The following SCN9A variants were observed in gnomAD, a reference collection of about 807,000 sequenced individuals.
The protein encoded by SCN9A is sodium channel protein type 9 subunit alpha.
In SCN9A, 131 loss-of-function variants were observed where a neutral mutation model predicts 187.0. The observed-to-expected ratio is 0.70, with a 90% CI of 0.61 to 0.81. SCN9A has a LOEUF of 0.81. Ranked by LOEUF, SCN9A falls within the 30% of genes least tolerant of loss-of-function variation. The probability of loss-of-function intolerance (pLI) is 0.00; values close to 1 mark genes in which losing one functional copy is unlikely to be tolerated. For missense variants in SCN9A, 2,252 were observed against 2,396.6 expected (o/e 0.94, Z 1.26); for synonymous variants, 809 against 808.6 (o/e 1.00, Z -0.01).
chr2:166,280,017 C>T (rs903318268), intron 14 of SCN9A, among the ~76,000 whole-genome samples: 1 of 152,142 alleles, frequency 6.6e-6, no homozygotes, highest in African/African-American at 2.4e-5. Context: ...GAGGTGTGTA[C>T]TTACAAGAAA....
chr2:166,353,835 GATT>G, intron 1 of SCN9A, among the ~76,000 whole-genome samples: 1 of 152,000 alleles, frequency 6.6e-6, no homozygotes, highest in Non-Finnish European at 1.5e-5. Context: ...CCTTCAACTA[GATT>G]CCAAACTTCA....
intron 17 of SCN9A, among the ~76,000 whole-genome samples, chr2:166,253,509 A>G (rs1265218565): frequency 1.3e-5 from 2 of 151,862 alleles, no homozygotes; most frequent in Non-Finnish European, 2.9e-5. Context: ...TTTAAAGTAT[A>G]AACTATAGAA....
chr2:166,284,950 C>T, intron 11 of SCN9A, 126 bp from the exon 12 acceptor site: 2 of 1,003,938 alleles, frequency 2.0e-6, no homozygotes, highest in Non-Finnish European at 2.8e-6. Context: ...AAGAAACATA[C>T]TTAAAAACGA....
At chr2:166,349,319 G>A (rs181814822) in intron 1 of SCN9A, among the ~76,000 whole-genome samples, 45 of 152,074 alleles carry the variant, frequency 3.0e-4, no homozygotes, top group South Asian at 1.0e-3. Context: ...ACTTTAAAAA[G>A]AAGGAAACAG....
chr2:166,352,760 T>C (rs1301546623), intron 1 of SCN9A, among the ~76,000 whole-genome samples: 1 of 152,106 alleles, frequency 6.6e-6, no homozygotes, highest in South Asian at 2.1e-4. Context: ...AACTGAAAAG[T>C]AAGACAAGGA....
intron 1 of SCN9A, among the ~76,000 whole-genome samples, chr2:166,345,571 G>C (rs1379624127): frequency 2.0e-5 from 3 of 151,848 alleles, no homozygotes; most frequent in Non-Finnish European, 4.4e-5. Context: ...ATAAAACTAA[G>C]TTCCAGAAAA....
At chr2:166,244,702 G>T (rs892258110) in intron 18 of SCN9A, among the ~76,000 whole-genome samples, 1 of 151,886 alleles carries the variant, frequency 6.6e-6, no homozygotes, top group Non-Finnish European at 1.5e-5. Context: ...CTGGATGCTG[G>T]TCTATTCTAT....
intron 21 of SCN9A, among the ~76,000 whole-genome samples, chr2:166,229,689 G>A (rs1694998450): frequency 1.3e-5 from 2 of 152,052 alleles, no homozygotes; most frequent in Non-Finnish European, 2.9e-5. Flanking sequence ...AATATATATA[G>A]TGCTGGCCTC....
chr2:166,305,224 G>A lies in SCN9A; in HGVS notation c.596+568C>T, dbSNP rs190455017. Reference sequence around the variant, plus strand: ...TCCATTTTTCTGATAAATACATTTGGGAAAAGAGTAACAATTATGAATAAA... The same window carrying A: ...TCCATTTTTCTGATAAATACATTTGAGAAAAGAGTAACAATTATGAATAAA... On this transcript the variant is annotated intron_variant, in intron 5 of 26. Coordinates refer to ENST00000642356, the MANE Select transcript of SCN9A (RefSeq NM_001365536.1). Among the ~76,000 whole-genome samples, 4 of 151,790 alleles carry A rather than the reference G, an allele frequency of 2.6e-5. No homozygotes were observed. The East Asian group carries it at 7.7e-4, about 29-fold the overall frequency.
chr2:166,214,639 C>T (rs553152166), intron 24 of SCN9A, among the ~76,000 whole-genome samples: 5 of 144,830 alleles, frequency 3.5e-5, no homozygotes, highest in East Asian at 4.2e-4. Flanking sequence ...CTCAGCCTCC[C>T]GAGTAGCTGG....
Position 166,324,958 on chromosome 2 carries a change from G to A in SCN9A, c.-50-13152C>T, listed in dbSNP as rs762148321. 8.5e-5 allele frequency among the ~76,000 whole-genome samples: 13 copies of A among 152,230 alleles called. No homozygotes were observed. The East Asian group carries it at 1.9e-3, about 23-fold the overall frequency. ...AACTAAGGAACTCTGAATAGGGTAA[G>A]GGCATTTGTTAATAATAATGATGTA... is the stretch of plus-strand genomic sequence containing the variant. On this transcript the variant is annotated intron_variant, in intron 1 of 26. Transcript: ENST00000642356.
At position 166,199,116 on chromosome 2, in the gene SCN9A, G is replaced by C. The variant is rs746119070; in HGVS notation, c.5523C>G (p.Ile1841Met). ...VSGDRIHCLD[I>M]LFAFTKRVLG... ...AAACACGCTTTGTAAAAGCAAATAA[G>C]ATGTCAAGACAATGGATCCGGTCAC... Residue 1841 changes from isoleucine to methionine, a missense_variant, in exon 27 of 27, where the codon ATC (isoleucine) becomes ATG (methionine). Coordinates refer to ENST00000642356, the MANE Select transcript of SCN9A (RefSeq NM_001365536.1). 1.9e-6 allele frequency: 3 copies of C among 1,614,124 alleles called. No homozygotes were observed. The highest frequency in any genetic ancestry group is 2.2e-5 in the South Asian group (2 of 91,072).
chr2:166,289,917 T>C (rs1397256349), intron 9 of SCN9A, among the ~76,000 whole-genome samples: 2 of 152,214 alleles, frequency 1.3e-5, no homozygotes, highest in African/African-American at 4.8e-5. Context: ...TTTTTTCATA[T>C]GTTTAAGTTA....
At chr2:166,203,914 C>A in intron 26 of SCN9A, 41 bp downstream of exon 26, 2 of 1,272,748 alleles carry the variant, frequency 1.6e-6, no homozygotes, top group South Asian at 2.8e-5. Context: ...TGAAGTTTAG[C>A]TTTACTCAAA....
chr2:166,262,807 G>A (rs1696567604), intron 17 of SCN9A, among the ~76,000 whole-genome samples: 1 of 151,852 alleles, frequency 6.6e-6, no homozygotes, highest in Non-Finnish European at 1.5e-5. Context: ...TGTGTAAAGG[G>A]GCTACTGTAT....
chr2:166,372,911 C>G (rs969308389), intron 1 of SCN9A, among the ~76,000 whole-genome samples: 2 of 152,038 alleles, frequency 1.3e-5, no homozygotes, highest in African/African-American at 2.4e-5. Context: ...TATGCAAATT[C>G]ACAAAATACC....
chr2:166,288,584 G>A lies in SCN9A; in HGVS notation c.1167C>T (p.Gly389=), dbSNP rs766473760. Residue 389 remains glycine (G), a synonymous_variant, in exon 10 of 27, where the codon GGC becomes GGT. Transcript: ENST00000642356. ...MIFFVVVIFL[G]SFYLINLILA... is the part of the protein sequence containing the mutation. Reference sequence around the variant, plus strand: ...GGATCAAGTTTATTAGATAAAAGGAGCCCAGGAAAATCACTACGACAAAGA... The same window carrying A: ...GGATCAAGTTTATTAGATAAAAGGAACCCAGGAAAATCACTACGACAAAGA... 5.6e-6 allele frequency: 9 copies of A among 1,611,492 alleles called. No individual in the cohort carries two copies. The highest frequency in any genetic ancestry group is 6.8e-6 in the Non-Finnish European group (8 of 1,178,270).
In SCN9A at chr2:166,277,207, C is replaced by T. The variant is rs202177070; in HGVS notation, c.2650G>A (p.Gly884Ser). ...AIIVFIFAVVGMQLFGKSYKE... is the reference protein window; with the variant it reads ...AIIVFIFAVVSMQLFGKSYKE... ...TAGCTCTTACCAAAGAGCTGCATGC[C>T]GACCACAGCAAAAATGAAGACGATG... is the stretch of plus-strand genomic sequence containing the variant. Residue 884 changes from glycine to serine, a missense_variant, in exon 16 of 27, where the codon GGC becomes AGC. Around this residue, in one of 7 missense-constraint regions of SCN9A, gnomAD observed 119 missense variants for 188.7 expected, o/e 0.63. Transcript: ENST00000642356. The T allele has an allele frequency of 2.7e-5, 44 of 1,613,870 alleles. No homozygotes were observed. Among genetic ancestry groups the T allele is most frequent in the East Asian group, 6.7e-5 (3 of 44,888 alleles).
intron 1 of SCN9A, among the ~76,000 whole-genome samples, chr2:166,336,545 T>A (rs1472701885): frequency 6.6e-6 from 1 of 152,072 alleles, no homozygotes; most frequent in East Asian, 1.9e-4. Context: ...AAGCTGAGGT[T>A]GAGAAACCTA....
Sources: allele counts gnomAD v4.1 joint callset (sites outside exome capture counted in the v4.1 genomes callset), GRCh38; gene constraint gnomAD v4.1.1; regional missense constraint gnomAD v4.1.1; transcripts MANE v1.5; gene names NCBI Gene and HGNC (gene_info 2026-07-23, HGNC 2026-07-21).